The following POLR3A variants were observed in gnomAD, a reference collection of about 807,000 sequenced individuals.
POLR3A encodes DNA-directed RNA polymerase III subunit RPC1.
Under a neutral mutation model 152.8 loss-of-function variants are expected in POLR3A, and 112 were observed. The ratio of observed to expected loss-of-function variants is 0.73; its 90% CI spans 0.63 to 0.86. The LOEUF is 0.86. Among genes scored for constraint, POLR3A ranks in the 40% least tolerant of loss-of-function variants. The pLI is 0.00. For synonymous variants in POLR3A, 615 were observed against 652.1 expected (o/e 0.94, Z 0.87); for missense variants, 1,385 against 1,743.1 (o/e 0.79, Z 3.66).
intron 1 of POLR3A, among the ~76,000 whole-genome samples, chr10:78,028,341 T>C (rs1847657161): frequency 6.6e-6 from 1 of 152,156 alleles, no homozygotes; most frequent in Non-Finnish European, 1.5e-5. Flanking sequence ...TTATGTGCTC[T>C]CAAAACCCCC....
In POLR3A at chr10:77,980,327, G is replaced by C. The variant is rs557113161; in HGVS notation, c.3892-54C>G. 1.2e-5 allele frequency: 19 copies of C among 1,581,498 alleles called. No individual in the cohort carries two copies. In the South Asian group the frequency reaches 2.0e-4, roughly 17 times the overall value. ...GTACTCACACCAATGGCAAAAGCTCGAAACCAAAGCACGGTGCACCTTCAA... is the reference window on the plus strand; with the variant it reads ...GTACTCACACCAATGGCAAAAGCTCCAAACCAAAGCACGGTGCACCTTCAA... On this transcript the variant is annotated intron_variant, in intron 29 of 30. Coordinates refer to ENST00000372371, the MANE Select transcript of POLR3A (RefSeq NM_007055.4).
intron 19 of POLR3A, among the ~76,000 whole-genome samples, chr10:77,994,894 T>G (rs1847284552): frequency 6.6e-6 from 1 of 152,016 alleles, no homozygotes; most frequent in South Asian, 2.1e-4. Context: ...GGAAAAAATG[T>G]TAAGGGCAGC....
At chr10:77,987,138 G>A (rs945286521) in intron 21 of POLR3A, among the ~76,000 whole-genome samples, 2 of 152,080 alleles carry the variant, frequency 1.3e-5, no homozygotes, top group Non-Finnish European at 2.9e-5. Context: ...CAATCATCAC[G>A]GACTACAGAC....
chr10:78,001,108 C>T lies in POLR3A; in HGVS notation c.2360-14G>A, dbSNP rs200708794. 5 of 1,364,182 alleles carry T rather than the reference C, an allele frequency of 3.7e-6. No individual in the cohort carries two copies. The East Asian group carries it at 9.2e-5, about 25-fold the overall frequency. 84.5% of individuals were successfully genotyped at this position (1,364,182 alleles called of 1,614,324 possible). A position where few individuals can be genotyped will look rare whatever the true frequency, so the allele number is the denominator to read the frequency against. On this transcript the variant is annotated splice_polypyrimidine_tract_variant and intron_variant, in intron 17 of 30. Coordinates refer to ENST00000372371, the MANE Select transcript of POLR3A (RefSeq NM_007055.4). Reference sequence around the variant, plus strand: ...TAATGAAGGAACCTGGGGACATGGACCAGAAATGTAACATTCATTTACCAA... The same window carrying T: ...TAATGAAGGAACCTGGGGACATGGATCAGAAATGTAACATTCATTTACCAA...
rs765288904 is a variant in POLR3A, at chr10:78,025,768, A to G, written c.181-9T>C. On this transcript the variant is annotated splice_polypyrimidine_tract_variant and intron_variant, in intron 2 of 30. Transcript: ENST00000372371. The stretch of plus-strand genomic sequence containing the variant: ...TCCTTCTCACTCGTACCCTTTGAAA[A>G]AAAGCACACCCAATGATCAACACAG... 3.7e-6 allele frequency: 6 copies of G among 1,614,028 alleles called. No homozygotes were observed. Among genetic ancestry groups the G allele is most frequent in the Non-Finnish European group, 5.1e-6 (6 of 1,179,874 alleles).
intron 1 of POLR3A, among the ~76,000 whole-genome samples, chr10:78,027,197 T>TGACTAG (rs1297769053): frequency 1.3e-5 from 2 of 152,128 alleles, no homozygotes; most frequent in African/African-American, 4.8e-5. Flanking sequence ...GTGGAGAGAA[T>TGACTAG]GACTAGGGCC....
Position 77,991,043 on chromosome 10 carries a change from G to C in POLR3A, c.2901+11C>G. ...GGCTGGGTGCAGTAGCCAGCACCTGGCAGAGCTCACCTGCAGGAAGCTGTC... is the reference window on the plus strand; with the variant it reads ...GGCTGGGTGCAGTAGCCAGCACCTGCCAGAGCTCACCTGCAGGAAGCTGTC... On this transcript the variant is annotated intron_variant, in intron 21 of 30. Transcript: ENST00000372371. 6.7e-7 allele frequency: 1 copy of C among 1,492,360 alleles called. No individual in the cohort carries two copies. Among genetic ancestry groups the C allele is most frequent in the Non-Finnish European group, 9.4e-7 (1 of 1,069,416 alleles). The allele number at this position is 1,492,360 out of a possible 1,614,324, so 92.4% of individuals were successfully genotyped here.
chr10:78,007,830 C>A lies in POLR3A; in HGVS notation c.1946G>T (p.Ser649Ile). 1 of 1,613,684 alleles carries A rather than the reference C, an allele frequency of 6.2e-7. No individual in the cohort carries two copies. Among genetic ancestry groups the A allele is most frequent in the Non-Finnish European group, 8.5e-7 (1 of 1,179,614 alleles). ...TIQNSELMSG[S>I]MDKGTLGSGS... ...TGACCCTAGGGTTCCTTTGTCCATG[C>A]TGCCACTCATCAACTCACTGTTCTG... The change falls in exon 15 of 31, where the codon AGC (serine) becomes ATC (isoleucine). Residue 649 changes from serine to isoleucine, a missense_variant. Physicochemically the swap from Ser to Ile is moderately radical, Grantham distance 142 (BLOSUM62 -2). Transcript: ENST00000372371.
intron 19 of POLR3A, among the ~76,000 whole-genome samples, chr10:77,996,551 A>G (rs1847302625): frequency 1.3e-5 from 2 of 152,222 alleles, no homozygotes; most frequent in South Asian, 4.1e-4. Context: ...CAAATAAACT[A>G]GAAAATCTAG....
rs750885322 is a variant in POLR3A at position 78,029,382 on chromosome 10, G to A, written c.26C>T (p.Thr9Met). Residue 9 changes from threonine to methionine, a missense_variant, in exon 1 of 31, where the codon ACG (threonine) becomes ATG (methionine). Around this residue, in one of 7 missense-constraint regions of POLR3A, gnomAD observed 493 missense variants for 647.5 expected, o/e 0.76. Transcript: ENST00000372371. Reference sequence around the variant, plus strand: ...GTCTTACATTTTCTTGGCCACATCCGTCTCCCGGAACTGCTCCTTCACCAT... The same window carrying A: ...GTCTTACATTTTCTTGGCCACATCCATCTCCCGGAACTGCTCCTTCACCAT... Reference protein sequence around the residue: MVKEQFRETDVAKKISHIC... With the variant: MVKEQFREMDVAKKISHIC... 1.9e-6 allele frequency: 3 copies of A among 1,613,930 alleles called. No individual in the cohort carries two copies. Among genetic ancestry groups the A allele is most frequent in the East Asian group, 2.2e-5 (1 of 44,868 alleles).
intron 16 of POLR3A, among the ~76,000 whole-genome samples, chr10:78,003,924 A>T (rs2162665): frequency 7.2e-5 from 11 of 151,726 alleles, no homozygotes; most frequent in African/African-American, 2.2e-4. Context: ...GTGAGACTCC[A>T]TCTTAAAACA....
At chr10:78,021,290 AG>A (rs1847576704) in intron 8 of POLR3A, among the ~76,000 whole-genome samples, 1 of 152,178 alleles carries the variant, frequency 6.6e-6, no homozygotes, top group African/African-American at 2.4e-5. Flanking sequence ...TTGGAAAAAA[AG>A]TTGCAAAAAA....
At chr10:78,019,534 G>C in intron 8 of POLR3A, 1 of 512,360 alleles carries the variant, frequency 2.0e-6, no homozygotes, top group South Asian at 2.1e-5. Context: ...CTGGTAAAAC[G>C]GGTAGGCTAG....
Position 77,976,105 on chromosome 10 carries a change from A to G in POLR3A, c.*1373T>C, listed in dbSNP as rs1375081094. ...AGGTCAAACTATAATTTTTTATAAA[A>G]ACTAATTTTTTTTTACGCTTAATTT... On this transcript the variant is annotated 3_prime_UTR_variant, in exon 31 of 31. Coordinates refer to ENST00000372371, the MANE Select transcript of POLR3A (RefSeq NM_007055.4). 6.6e-6 allele frequency: 1 copy of G among 151,972 alleles called. No individual in the cohort carries two copies. The highest frequency in any genetic ancestry group is 1.5e-5 in the Non-Finnish European group (1 of 67,994). 9.4% of individuals were successfully genotyped at this position (151,972 alleles called of 1,614,324 possible). A position where few individuals can be genotyped will look rare whatever the true frequency, so the allele number is the denominator to read the frequency against.
intron 8 of POLR3A, among the ~76,000 whole-genome samples, chr10:78,021,058 A>G (rs1039011241): frequency 6.6e-6 from 1 of 152,098 alleles, no homozygotes; most frequent in Non-Finnish European, 1.5e-5. Flanking sequence ...TCCACCTTCC[A>G]TGCTCAAGCA....
At chr10:77,998,199 C>T (rs1435387869) in intron 19 of POLR3A, among the ~76,000 whole-genome samples, 11 of 152,104 alleles carry the variant, frequency 7.2e-5, no homozygotes, top group Non-Finnish European at 1.5e-4. Context: ...CCATAAAAAC[C>T]ATAGAAGAAA....
intron 19 of POLR3A, among the ~76,000 whole-genome samples, chr10:77,999,160 G>A (rs1378022364): frequency 1.3e-5 from 2 of 152,166 alleles, no homozygotes; most frequent in African/African-American, 4.8e-5. Context: ...GTGGGGTAGG[G>A]GGAGCGGGGA....
chr10:77,997,705 A>G (rs12259420), intron 19 of POLR3A, among the ~76,000 whole-genome samples: 4,719 of 152,008 alleles, frequency 0.031, 278 homozygotes, highest in African/African-American at 0.11. Flanking sequence ...GGAAGAATCA[A>G]TATCGTGAAA....
chr10:77,998,267 C>T (rs1424733969), intron 19 of POLR3A, among the ~76,000 whole-genome samples: 1 of 151,798 alleles, frequency 6.6e-6, no homozygotes, highest in Non-Finnish European at 1.5e-5. Flanking sequence ...TCTAAAACAC[C>T]AAAAGCAATG....
Sources: gnomAD v4.1 joint callset for allele counts (sites outside exome capture counted in the v4.1 genomes callset) on GRCh38, gnomAD v4.1.1 for gene constraint, gnomAD v4.1.1 regional missense constraint, MANE v1.5 for transcripts, NCBI Gene and HGNC (gene_info 2026-07-23, HGNC 2026-07-21) for gene names.